Variants in GPC5 observed in about 807,000 individuals in gnomAD.
GPC5 encodes glypican-5.
In GPC5, 47 loss-of-function variants were observed where a neutral mutation model predicts 53.9. The observed-to-expected ratio is 0.87, with a 90% CI of 0.69 to 1.11. The LOEUF (loss-of-function observed/expected upper bound fraction) is 1.11. GPC5 is among the 50% of genes most tolerant of loss of function. GPC5 has a pLI of 0.00. For missense variants in GPC5, 748 were observed against 713.1 expected (o/e 1.05, Z -0.56); for synonymous variants, 286 against 263.3 (o/e 1.09, Z -0.84).
chr13:92,313,768 T>C (rs1164601675), intron 7 of GPC5, among the ~76,000 whole-genome samples: 3 of 152,210 alleles, frequency 2.0e-5, no homozygotes, highest in Non-Finnish European at 2.9e-5. Context: ...ATTTTCCTAA[T>C]GTCTAAATAT....
At chr13:91,843,942 A>T (rs1365321402) in intron 5 of GPC5, among the ~76,000 whole-genome samples, 1 of 152,200 alleles carries the variant, frequency 6.6e-6, no homozygotes, top group Admixed American at 6.5e-5. Context: ...AGGGATAGTT[A>T]TGCCTTTAAT....
intron 6 of GPC5, among the ~76,000 whole-genome samples, chr13:91,955,223 G>A (rs1246699969): frequency 6.6e-6 from 1 of 152,068 alleles, no homozygotes; most frequent in African/African-American, 2.4e-5. Context: ...TATTTAAATT[G>A]GCAAGCAGAT....
intron 7 of GPC5, chr13:92,339,782 G>T (rs185495446): frequency 6.6e-6 from 1 of 152,086 alleles, no homozygotes; most frequent in Admixed American, 6.6e-5. Flanking sequence ...TTAAAGGGCA[G>T]GTAAAGCCAG....
At chr13:91,812,919 G>C (rs2038336474) in intron 5 of GPC5, among the ~76,000 whole-genome samples, 1 of 152,122 alleles carries the variant, frequency 6.6e-6, no homozygotes, top group African/African-American at 2.4e-5. Flanking sequence ...GACATCTTTG[G>C]AATGCTGTCA....
intron 6 of GPC5, among the ~76,000 whole-genome samples, chr13:91,981,581 G>A (rs1022441741): frequency 9.2e-5 from 14 of 152,130 alleles, no homozygotes; most frequent in Non-Finnish European, 1.2e-4. Context: ...GAGCCACCGC[G>A]CCCGACCGTA....
chr13:92,496,420 T>C (rs1400939793), intron 7 of GPC5, among the ~76,000 whole-genome samples: 1 of 152,160 alleles, frequency 6.6e-6, no homozygotes, highest in African/African-American at 2.4e-5. Flanking sequence ...AAATACACAG[T>C]ATGTGTCACT....
chr13:92,052,369 G>A (rs949654231), intron 6 of GPC5, among the ~76,000 whole-genome samples: 1 of 152,154 alleles, frequency 6.6e-6, no homozygotes, highest in Non-Finnish European at 1.5e-5. Flanking sequence ...GACCCAAAGA[G>A]TGAGCAGCGG....
intron 5 of GPC5, among the ~76,000 whole-genome samples, chr13:91,800,010 GT>G (rs1008772197): frequency 1.3e-4 from 19 of 151,778 alleles, no homozygotes; most frequent in East Asian, 5.8e-4. Flanking sequence ...ATCAACCCTA[GT>G]TTTTTTTCTT....
intron 7 of GPC5, among the ~76,000 whole-genome samples, chr13:92,383,054 C>T (rs951720016): frequency 3.4e-5 from 5 of 148,972 alleles, no homozygotes; most frequent in African/African-American, 1.2e-4. Flanking sequence ...AGAATACTTT[C>T]ATAATTGCAA....
chr13:91,830,778 AAT>A (rs1036653916), intron 5 of GPC5, among the ~76,000 whole-genome samples: 3 of 123,300 alleles, frequency 2.4e-5, no homozygotes, highest in Non-Finnish European at 5.2e-5. Context: ...TTATATATAA[AAT>A]ATATATATAC....
At chr13:92,059,966 A>T (rs1424590095) in intron 6 of GPC5, 2 of 151,086 alleles carry the variant, frequency 1.3e-5, no homozygotes, top group East Asian at 1.9e-4. Flanking sequence ...CAATTATTTT[A>T]AAAAATAAAA....
At chr13:92,584,240 G>A (rs991164223) in intron 7 of GPC5, among the ~76,000 whole-genome samples, 4 of 152,314 alleles carry the variant, frequency 2.6e-5, no homozygotes, top group African/African-American at 9.6e-5. Context: ...ACCTCCTAGA[G>A]ACTTGCTGAA....
chr13:92,078,998 C>T (rs533594140), intron 6 of GPC5, among the ~76,000 whole-genome samples: 1 of 152,308 alleles, frequency 6.6e-6, no homozygotes, highest in African/African-American at 2.4e-5. Flanking sequence ...TCTTTCCTAA[C>T]TGCTGTGAGT....
intron 7 of GPC5, among the ~76,000 whole-genome samples, chr13:92,596,674 A>G (rs1204059309): frequency 6.6e-6 from 1 of 152,008 alleles, no homozygotes; most frequent in Non-Finnish European, 1.5e-5. Flanking sequence ...GGGTTTCAAC[A>G]TGTTGGCCAG....
At position 91,654,105 on chromosome 13, in the gene GPC5, T is replaced by C. The variant is rs75159818; in HGVS notation, c.326-39082T>C. Among the ~76,000 whole-genome samples, 432 of 152,300 alleles carry C rather than the reference T, an allele frequency of 2.8e-3. 7 individuals carry two copies. The East Asian group carries it at 0.054, about 19-fold the overall frequency. On this transcript the variant is annotated intron_variant, in intron 2 of 7. Coordinates refer to ENST00000377067, the MANE Select transcript of GPC5 (RefSeq NM_004466.6). ...TTTTAGAGGCACCCATAGATTTCAG[T>C]TGGATATTTACCAGGGCAGTTTCAC...
intron 6 of GPC5, among the ~76,000 whole-genome samples, chr13:92,010,171 T>C (rs147745723): frequency 5.3e-5 from 8 of 152,340 alleles, no homozygotes; most frequent in Admixed American, 1.3e-4. Flanking sequence ...TTCCATTCCC[T>C]ATCCTTCTTT....
At chr13:91,699,378 G>A (rs1477391605) in intron 3 of GPC5, among the ~76,000 whole-genome samples, 2 of 152,180 alleles carry the variant, frequency 1.3e-5, no homozygotes, top group Non-Finnish European at 2.9e-5. Flanking sequence ...CGAAGCCCAT[G>A]GGTGGTTGGA....
chr13:92,812,716 A>T (rs566671680), intron 7 of GPC5, among the ~76,000 whole-genome samples: 1 of 152,022 alleles, frequency 6.6e-6, no homozygotes, highest in Admixed American at 6.6e-5. Flanking sequence ...GTCCTAAAAC[A>T]TCCACAAGAA....
At chr13:92,377,488 G>A (rs754796894) in intron 7 of GPC5, among the ~76,000 whole-genome samples, 11 of 152,162 alleles carry the variant, frequency 7.2e-5, no homozygotes, top group Non-Finnish European at 1.0e-4. Context: ...GAAAAGTTTA[G>A]TAATAATTTA....
Sources: gnomAD v4.1 joint callset for allele counts (sites outside exome capture counted in the v4.1 genomes callset) on GRCh38, gnomAD v4.1.1 for gene constraint, MANE v1.5 for transcripts, NCBI Gene and HGNC (gene_info 2026-07-23, HGNC 2026-07-21) for gene names.